ZFPM2: variants seen among roughly 807,000 people sequenced by gnomAD.
The protein encoded by ZFPM2 is zinc finger protein ZFPM2.
Under a neutral mutation model 98.6 loss-of-function variants are expected in ZFPM2, and 20 were observed. The observed-to-expected ratio is 0.20, with a 90% CI of 0.14 to 0.29. ZFPM2 has a LOEUF of 0.29. Among genes scored for constraint, ZFPM2 ranks in the 10% least tolerant of loss-of-function variants. The pLI is 1.00. For synonymous variants in ZFPM2, 518 were observed against 502.7 expected (o/e 1.03, Z -0.41); for missense variants, 1,310 against 1,388.6 (o/e 0.94, Z 0.90).
chr8:105,462,630 C>T (rs978446471), intron 3 of ZFPM2, among the ~76,000 whole-genome samples: 1 of 152,022 alleles, frequency 6.6e-6, no homozygotes, highest in African/African-American at 2.4e-5. Context: ...CTTCATAGGG[C>T]TTTATATTAT....
In ZFPM2 at chr8:105,470,258, G is replaced by A. The variant is rs149927320; in HGVS notation, c.301+25877G>A. ...GGGCTTAATAACAGAGTCAGGAGCC[G>A]GGACACCGAACTTATTTCACATCTT... On this transcript the variant is annotated intron_variant, in intron 3 of 7. Coordinates refer to ENST00000407775, the MANE Select transcript of ZFPM2 (RefSeq NM_012082.4). Among the ~76,000 whole-genome samples the A allele has an allele frequency of 6.6e-5, 10 of 152,208 alleles. No homozygotes were observed. In the East Asian group the frequency reaches 1.4e-3, roughly 21 times the overall value.
chr8:105,765,897 A>G (rs562286814), intron 5 of ZFPM2, among the ~76,000 whole-genome samples: 1 of 152,006 alleles, frequency 6.6e-6, no homozygotes, highest in African/African-American at 2.4e-5. Flanking sequence ...TTGTACTTTA[A>G]TAATTTGTCA....
intron 5 of ZFPM2, among the ~76,000 whole-genome samples, chr8:105,732,337 A>G (rs1489697124): frequency 1.3e-5 from 2 of 151,814 alleles, no homozygotes; most frequent in Non-Finnish European, 2.9e-5. Flanking sequence ...CATCTCCGAA[A>G]TACATGCGAA....
rs139930523 is a variant in ZFPM2 at position 105,336,688 on chromosome 8, CCACACACACA to C, written c.40+17740_40+17749del. 6.3e-3 allele frequency among the ~76,000 whole-genome samples: 903 copies of C among 142,250 alleles called. 7 individuals carry two copies. The highest frequency in any genetic ancestry group is 7.5e-3 in the Non-Finnish European group (486 of 64,384). The allele number at this position is 142,250 out of a possible 152,430, so 93.3% of individuals were successfully genotyped here. ...GATTGATATTAAAATGTAATATACTCCACACACACACACACACACACACACACACACACAC... is the reference window on the plus strand; with the variant it reads ...GATTGATATTAAAATGTAATATACTCCACACACACACACACACACACACAC... On this transcript the variant is annotated intron_variant, in intron 1 of 7. Transcript: ENST00000407775.
chr8:105,459,824 C>T (rs1812670576), intron 3 of ZFPM2, among the ~76,000 whole-genome samples: 1 of 152,060 alleles, frequency 6.6e-6, no homozygotes, highest in Non-Finnish European at 1.5e-5. Context: ...GTATTAGGGC[C>T]TCAATATATG....
At chr8:105,348,888 G>A (rs530733718) in intron 1 of ZFPM2, among the ~76,000 whole-genome samples, 1 of 152,140 alleles carries the variant, frequency 6.6e-6, no homozygotes, top group Non-Finnish European at 1.5e-5. Context: ...AGCACACACC[G>A]TACTCGACTC....
At chr8:105,514,184 G>T (rs1813871544) in intron 3 of ZFPM2, among the ~76,000 whole-genome samples, 2 of 151,852 alleles carry the variant, frequency 1.3e-5, no homozygotes, top group Non-Finnish European at 2.9e-5. Flanking sequence ...TGTATTTTTA[G>T]TAGAGATGGG....
chr8:105,802,004 G>A lies in ZFPM2; in HGVS notation c.1922G>A (p.Gly641Asp). ...VLDLIGPNGK[G>D]HDKDFSTQTK... Reference sequence around the variant, plus strand: ...GATTTAATTGGGCCAAATGGGAAGGGCCATGACAAGGACTTTTCCACTCAA... The same window carrying A: ...GATTTAATTGGGCCAAATGGGAAGGACCATGACAAGGACTTTTCCACTCAA... Residue 641 changes from glycine (G) to aspartate (D), a missense_variant, in exon 8 of 8, where the codon GGC becomes GAC. Transcript: ENST00000407775. The A allele has an allele frequency of 1.9e-6, 3 of 1,613,716 alleles. No individual in the cohort carries two copies. The highest frequency in any genetic ancestry group is 2.5e-6 in the Non-Finnish European group (3 of 1,179,844).
chr8:105,379,794 A>C (rs1810807520), intron 1 of ZFPM2, among the ~76,000 whole-genome samples: 1 of 152,110 alleles, frequency 6.6e-6, no homozygotes, highest in South Asian at 2.1e-4. Flanking sequence ...TGTAAGAACC[A>C]AAACTGGCCA....
chr8:105,747,796 C>T (rs1192591275), intron 5 of ZFPM2, among the ~76,000 whole-genome samples: 1 of 152,010 alleles, frequency 6.6e-6, no homozygotes, highest in Non-Finnish European at 1.5e-5. Flanking sequence ...AGAAGAAATC[C>T]TTAAACCTCT....
intron 3 of ZFPM2, among the ~76,000 whole-genome samples, chr8:105,471,908 A>C (rs1382604017): frequency 5.3e-5 from 8 of 152,250 alleles, no homozygotes; most frequent in Middle Eastern, 3.4e-3. Context: ...CCAGGGTTTG[A>C]CCTTCTCACA....
At chr8:105,319,099 G>GA in intron 1 of ZFPM2, 118 bp downstream of exon 1, 1 of 1,241,094 alleles carries the variant, frequency 8.1e-7, no homozygotes, top group Non-Finnish European at 1.1e-6. Flanking sequence ...CGGTCCCCTA[G>GA]ATGTCTCAAA....
chr8:105,575,954 G>A (rs1285121109), intron 4 of ZFPM2, among the ~76,000 whole-genome samples: 1 of 152,110 alleles, frequency 6.6e-6, no homozygotes, highest in Non-Finnish European at 1.5e-5. Context: ...ATTTTTGAAA[G>A]GGGAATAAGT....
intron 6 of ZFPM2, among the ~76,000 whole-genome samples, chr8:105,797,455 G>A (rs1813866515): frequency 6.6e-6 from 1 of 152,186 alleles, no homozygotes; most frequent in Non-Finnish European, 1.5e-5. Context: ...TTCTGATTAT[G>A]CGATAATATC....
rs993346701 is a variant in ZFPM2, at chr8:105,773,244, A to C, written c.533-15474A>C. On this transcript the variant is annotated intron_variant, in intron 5 of 7. Coordinates refer to ENST00000407775, the MANE Select transcript of ZFPM2 (RefSeq NM_012082.4). ...TAAAGGCAGCTTTATGAAGAGAAGGAAAGGGCATCTATGTACTATAAATAG... is the reference window on the plus strand; with the variant it reads ...TAAAGGCAGCTTTATGAAGAGAAGGCAAGGGCATCTATGTACTATAAATAG... 5.3e-5 allele frequency among the ~76,000 whole-genome samples: 8 copies of C among 152,308 alleles called. 2 individuals are homozygous for C. Among genetic ancestry groups the C allele is most frequent in the Admixed American group, 5.2e-4 (8 of 15,284 alleles).
intron 3 of ZFPM2, among the ~76,000 whole-genome samples, chr8:105,510,512 AT>A (rs1813796864): frequency 6.6e-6 from 1 of 152,114 alleles, no homozygotes; most frequent in South Asian, 2.1e-4. Flanking sequence ...CAGTCATGAA[AT>A]AAAGTGACTG....
intron 3 of ZFPM2, among the ~76,000 whole-genome samples, chr8:105,558,112 C>T (rs1433894511): frequency 1.3e-5 from 2 of 152,050 alleles, no homozygotes; most frequent in Non-Finnish European, 2.9e-5. Flanking sequence ...TATTTCATAA[C>T]ACCTATTAAT....
At chr8:105,327,513 A>G (rs1662653014) in intron 1 of ZFPM2, among the ~76,000 whole-genome samples, 1 of 151,724 alleles carries the variant, frequency 6.6e-6, no homozygotes, top group Non-Finnish European at 1.5e-5. Flanking sequence ...GATTAAAAAT[A>G]GTGAATTGAC....
At chr8:105,522,935 T>C (rs1047328207) in intron 3 of ZFPM2, among the ~76,000 whole-genome samples, 1 of 152,178 alleles carries the variant, frequency 6.6e-6, no homozygotes, top group African/African-American at 2.4e-5. Flanking sequence ...CCTTTCCTTG[T>C]AGCTCAGTGG....
Sources: gnomAD v4.1 joint callset for allele counts (sites outside exome capture counted in the v4.1 genomes callset) on GRCh38, gnomAD v4.1.1 for gene constraint, MANE v1.5 for transcripts, NCBI Gene and HGNC (gene_info 2026-07-23, HGNC 2026-07-21) for gene names.